The following ROBO2 variants were observed in gnomAD, a reference collection of about 807,000 sequenced individuals.
ROBO2 encodes roundabout homolog 2.
Under a neutral mutation model 160.8 loss-of-function variants are expected in ROBO2, and 53 were observed. The observed-to-expected ratio is 0.33, with a 90% confidence interval of 0.26 to 0.41. The LOEUF is 0.41. ROBO2 is among the 10% of genes least tolerant of loss of function. The pLI is 1.00. For synonymous variants in ROBO2, 664 were observed against 611.7 expected (o/e 1.09, Z -1.26); for missense variants, 1,577 against 1,722.4 (o/e 0.92, Z 1.49).
intron 2 of ROBO2, among the ~76,000 whole-genome samples, chr3:76,238,224 A>G (rs1349072718): frequency 6.6e-6 from 1 of 152,302 alleles, no homozygotes; most frequent in East Asian, 1.9e-4. Context: ...AAGACTGGGT[A>G]ACTTATAAAG....
chr3:76,675,497 T>C (rs1404702957), intron 2 of ROBO2, among the ~76,000 whole-genome samples: 1 of 152,192 alleles, frequency 6.6e-6, no homozygotes, highest in Non-Finnish European at 1.5e-5. Flanking sequence ...ATAGCCATCA[T>C]GGAAGGGTTC....
chr3:76,746,502 C>A (rs1042959359), intron 2 of ROBO2, among the ~76,000 whole-genome samples: 5 of 152,002 alleles, frequency 3.3e-5, no homozygotes, highest in Non-Finnish European at 5.9e-5. Context: ...CCTGTTGTTT[C>A]CTGACTTTTT....
At chr3:76,552,501 A>T (rs771463488) in intron 2 of ROBO2, among the ~76,000 whole-genome samples, 2 of 152,234 alleles carry the variant, frequency 1.3e-5, no homozygotes, top group Non-Finnish European at 2.9e-5. Flanking sequence ...TTTCTTTTTC[A>T]TATAATTAAT....
chr3:76,840,645 T>TTTTA (rs1170778663), intron 2 of ROBO2, among the ~76,000 whole-genome samples: 1 of 134,980 alleles, frequency 7.4e-6, no homozygotes, highest in East Asian at 2.1e-4. Flanking sequence ...TAATTATATT[T>TTTTA]TATATATATA....
At chr3:77,298,960 G>C (rs2062401764) in intron 2 of ROBO2, among the ~76,000 whole-genome samples, 1 of 152,180 alleles carries the variant, frequency 6.6e-6, no homozygotes, top group Non-Finnish European at 1.5e-5. Context: ...TCAGAAGATA[G>C]AGGGGCTATT....
At chr3:76,502,234 C>T (rs183842576) in intron 2 of ROBO2, among the ~76,000 whole-genome samples, 300 of 152,260 alleles carry the variant, frequency 2.0e-3, no homozygotes, top group Non-Finnish European at 2.8e-3. Context: ...TTGCAGGATA[C>T]AGTAGAATAC....
chr3:76,221,391 G>C (rs367811910), intron 2 of ROBO2, among the ~76,000 whole-genome samples: 1 of 151,224 alleles, frequency 6.6e-6, no homozygotes, highest in African/African-American at 2.4e-5. Context: ...GTAACTCAGG[G>C]TGATGGTGAG....
chr3:77,155,324 G>A (rs549972231), intron 2 of ROBO2, among the ~76,000 whole-genome samples: 10 of 152,092 alleles, frequency 6.6e-5, no homozygotes, highest in African/African-American at 2.4e-4. Context: ...CATCCAAGTG[G>A]GCTCAGTGAA....
At chr3:76,523,282 A>G (rs1292046126) in intron 2 of ROBO2, among the ~76,000 whole-genome samples, 1 of 152,058 alleles carries the variant, frequency 6.6e-6, no homozygotes, top group African/African-American at 2.4e-5. Flanking sequence ...TTTGAGGATG[A>G]CTAGTCACTT....
At chr3:76,948,908 ATTTTTTT>A (rs1157110855) in intron 2 of ROBO2, among the ~76,000 whole-genome samples, 341 of 24,872 alleles carry the variant, frequency 0.014, 3 homozygotes, top group Non-Finnish European at 0.019. Flanking sequence ...ATATATATAT[ATTTTTTT>A]TTTTTTTTTT....
intron 2 of ROBO2, among the ~76,000 whole-genome samples, chr3:76,239,124 A>G (rs956999341): frequency 1.3e-5 from 2 of 152,158 alleles, no homozygotes; most frequent in African/African-American, 4.8e-5. Flanking sequence ...CTAAATTGTG[A>G]AAACCACCGC....
intron 2 of ROBO2, among the ~76,000 whole-genome samples, chr3:76,263,106 C>T (rs958825205): frequency 2.6e-5 from 4 of 152,084 alleles, no homozygotes; most frequent in Non-Finnish European, 5.9e-5. Flanking sequence ...ATTCCTAGCC[C>T]TCAGTAAGCA....
chr3:76,558,765 A>G (rs1303649496), intron 2 of ROBO2, among the ~76,000 whole-genome samples: 2 of 152,224 alleles, frequency 1.3e-5, no homozygotes, highest in East Asian at 3.9e-4. Flanking sequence ...ACATTGAACA[A>G]TCGTTAGTAT....
chr3:76,592,696 G>A (rs189179123), intron 2 of ROBO2, among the ~76,000 whole-genome samples: 57 of 152,154 alleles, frequency 3.7e-4, no homozygotes, highest in Admixed American at 2.3e-3. Context: ...TAGGCCAGAC[G>A]TCCTGGTGTA....
intron 2 of ROBO2, among the ~76,000 whole-genome samples, chr3:75,953,845 A>G (rs1014090758): frequency 3.9e-5 from 6 of 151,922 alleles, no homozygotes; most frequent in African/African-American, 9.7e-5. Flanking sequence ...TAAATACCTT[A>G]TGATATTTAT....
chr3:76,663,796 C>T (rs1343399509), intron 2 of ROBO2, among the ~76,000 whole-genome samples: 4 of 151,832 alleles, frequency 2.6e-5, no homozygotes, highest in African/African-American at 4.8e-5. Flanking sequence ...CCCAGCTACT[C>T]GGGAGGCTGA....
At chr3:76,747,933 G>A (rs1407763388) in intron 2 of ROBO2, among the ~76,000 whole-genome samples, 2 of 151,662 alleles carry the variant, frequency 1.3e-5, no homozygotes, top group East Asian at 1.9e-4. Context: ...TTTAATATTC[G>A]AATTCTCAGG....
At position 76,251,511 on chromosome 3, in the gene ROBO2, A is replaced by C. The variant is rs568045919; in HGVS notation, c.109+313909A>C. 2.0e-5 allele frequency among the ~76,000 whole-genome samples: 3 copies of C among 152,242 alleles called. No individual in the cohort carries two copies. In the South Asian group the frequency reaches 6.2e-4, roughly 32 times the overall value. ...CACTTGGTTTGGTGGTAAAATGGTC[A>C]ATTTCTGTACCGGATCATACTTGTA... On this transcript the variant is annotated intron_variant, in intron 2 of 26. Transcript: ENST00000487694.
chr3:75,916,823 G>GATGAA (rs57294376), intron 1 of ROBO2, among the ~76,000 whole-genome samples: 150,441 of 150,700 alleles, frequency 1, 75,091 homozygotes, highest in Middle Eastern at 1. Context: ...GTTCTTAGCT[G>GATGAA]ATGAATATAA....
Sources: allele counts gnomAD v4.1 joint callset (sites outside exome capture counted in the v4.1 genomes callset), GRCh38; gene constraint gnomAD v4.1.1; transcripts MANE v1.5; gene names NCBI Gene and HGNC (gene_info 2026-07-23, HGNC 2026-07-21).